NPC1: variants seen among roughly 807,000 people sequenced by gnomAD.
NPC1 encodes Niemann-Pick C1 protein.
In NPC1, 85 loss-of-function variants were observed where a neutral mutation model predicts 140.4. The observed-to-expected ratio is 0.61, with a 90% CI of 0.51 to 0.72. The LOEUF (loss-of-function observed/expected upper bound fraction) is 0.72. Ranked by LOEUF, NPC1 falls within the 30% of genes least tolerant of loss-of-function variation. The pLI is 0.00. For missense variants in NPC1, 1,504 were observed against 1,623.8 expected (o/e 0.93, Z 1.27); for synonymous variants, 656 against 624.8 (o/e 1.05, Z -0.74).
chr18:23,532,391 G>T, intron 24 of NPC1, 107 bp from the exon 25 acceptor site: 1 of 1,235,410 alleles, frequency 8.1e-7, no homozygotes, highest in Non-Finnish European at 1.2e-6. Flanking sequence ...TGAGGCAGGA[G>T]AATTGCTTGA....
chr18:23,562,860 G>C (rs1360506064), intron 4 of NPC1, among the ~76,000 whole-genome samples: 1 of 152,020 alleles, frequency 6.6e-6, no homozygotes, highest in African/African-American at 2.4e-5. Context: ...AGCCAGGTGT[G>C]GTGGCGCTAT....
At chr18:23,509,139 G>A in intron 3 of NPC1, 1 of 612,658 alleles carries the variant, frequency 1.6e-6, no homozygotes, top group South Asian at 5.0e-5. Flanking sequence ...TTTGAAGAGA[G>A]TTATATGTGT....
chr18:23,529,388 A>G, downstream of NPC1: 1 of 1,501,132 alleles, frequency 6.7e-7, no homozygotes, highest in Non-Finnish European at 8.8e-7. Flanking sequence ...GATTAGAGTC[A>G]CTTGAAGTGA....
At chr18:23,520,716 A>G (rs1464210036), downstream of NPC1, among the ~76,000 whole-genome samples, 1 of 151,608 alleles carries the variant, frequency 6.6e-6, no homozygotes, top group Admixed American at 6.6e-5. Flanking sequence ...GCTCACTGCA[A>G]CCTCCACCTG....
chr18:23,546,429 C>T (rs1005004355), intron 11 of NPC1, among the ~76,000 whole-genome samples: 1 of 152,068 alleles, frequency 6.6e-6, no homozygotes, highest in Non-Finnish European at 1.5e-5. Context: ...TGACGTAAAG[C>T]GCTATAGCCA....
chr18:23,532,318 A>G, intron 24 of NPC1, 34 bp from the exon 25 acceptor site: 1 of 1,613,274 alleles, frequency 6.2e-7, no homozygotes, highest in Non-Finnish European at 8.5e-7. Context: ...TTATTTCTGC[A>G]GGAGAAAGGG....
At chr18:23,566,423 G>A (rs77601994) in intron 4 of NPC1, among the ~76,000 whole-genome samples, 2,201 of 152,014 alleles carry the variant, frequency 0.014, 42 homozygotes, top group African/African-American at 0.051. Context: ...ACTGGCTATG[G>A]CATAATTTAA....
Position 23,556,584 on chromosome 18 carries a change from C to T in NPC1, c.985G>A (p.Ala329Thr), listed in dbSNP as rs572337787. 5.3e-5 allele frequency: 85 copies of T among 1,614,058 alleles called. No individual in the cohort carries two copies. Among genetic ancestry groups the T allele is most frequent in the African/African-American group, 4.1e-4 (31 of 75,036 alleles). ...GEASCCDPVSAAFEGCLRRLF... is the reference protein window; with the variant it reads ...GEASCCDPVSTAFEGCLRRLF... Reference sequence around the variant, plus strand: ...CGCCTCAAGCAGCCCTCAAATGCTGCGCTGACAGGGTCACAGCAGGACGCC... The same window carrying T: ...CGCCTCAAGCAGCCCTCAAATGCTGTGCTGACAGGGTCACAGCAGGACGCC... The change falls in exon 8 of 25, where the codon GCA becomes ACA. Residue 329 changes from alanine to threonine, a missense_variant. By Grantham distance (58) the Ala-to-Thr change is moderately conservative. Coordinates refer to ENST00000269228, the MANE Select transcript of NPC1 (RefSeq NM_000271.5).
intron 11 of NPC1, among the ~76,000 whole-genome samples, chr18:23,546,914 CTG>C (rs1243866524): frequency 2.0e-5 from 3 of 152,218 alleles, no homozygotes; most frequent in Non-Finnish European, 4.4e-5. Context: ...CTAAAATTGA[CTG>C]TGGTGATGGC....
chr18:23,529,849 T>C, downstream of NPC1: 2 of 1,062,684 alleles, frequency 1.9e-6, no homozygotes, highest in Non-Finnish European at 2.8e-6. Flanking sequence ...CTCCTGACAT[T>C]ATTAGTTGGA....
rs1478525243 is a variant in NPC1 at position 23,556,380 on chromosome 18, G to T, written c.1189C>A (p.Gln397Lys). 5.6e-6 allele frequency: 9 copies of T among 1,614,012 alleles called. No individual in the cohort carries two copies. Among genetic ancestry groups the T allele is most frequent in the Non-Finnish European group, 7.6e-6 (9 of 1,180,032 alleles). The change falls in exon 8 of 25, where the codon CAG (glutamine) becomes AAG (lysine). Residue 397 changes from glutamine (Q) to lysine (K), a missense_variant. Physicochemically the swap from Gln to Lys is moderately conservative, Grantham distance 53 (BLOSUM62 1). Transcript: ENST00000269228. ...QARLEKEYFD[Q>K]HFGPFFRTEQ... is the part of the protein sequence containing the mutation. ...GTCCGGAAGAAAGGCCCAAAGTGCT[G>T]GTCAAAGTACTCTTTTTCCAGGCGA...
At chr18:23,563,959 G>A (rs2059081720) in intron 4 of NPC1, among the ~76,000 whole-genome samples, 2 of 135,490 alleles carry the variant, frequency 1.5e-5, no homozygotes, top group African/African-American at 5.6e-5. Flanking sequence ...TTTAAATTGG[G>A]TTATTTATTT....
intron 1 of NPC1, among the ~76,000 whole-genome samples, chr18:23,583,662 T>C (rs577343247): frequency 9.9e-5 from 15 of 150,862 alleles, no homozygotes; most frequent in Admixed American, 2.0e-4. Context: ...CTTTTAGGAG[T>C]GGAGGGTTAC....
intron 6 of NPC1, among the ~76,000 whole-genome samples, chr18:23,558,479 C>T (rs1274374159): frequency 6.6e-6 from 1 of 152,032 alleles, no homozygotes; most frequent in African/African-American, 2.4e-5. Context: ...AATGGAAGGA[C>T]ATGCTACAAA....
rs2059185195 is a variant in NPC1, at chr18:23,570,433, C to T, written c.288-1435G>A. ...TCCAATTTGGTTCCATCAATGTTCA[C>T]AAGCCTTTCATAGGATATGCTGGCC... On this transcript the variant is annotated intron_variant, in intron 3 of 24. Coordinates refer to ENST00000269228, the MANE Select transcript of NPC1 (RefSeq NM_000271.5). Among the ~76,000 whole-genome samples, 5 of 152,210 alleles carry T rather than the reference C, an allele frequency of 3.3e-5. No homozygotes were observed. In the South Asian group the frequency reaches 1.0e-3, roughly 31 times the overall value.
At chr18:23,579,452 TAGTTACACAGCTAAAG>T (rs1279861380) in intron 1 of NPC1, among the ~76,000 whole-genome samples, 1 of 152,328 alleles carries the variant, frequency 6.6e-6, no homozygotes, top group East Asian at 1.9e-4. Flanking sequence ...CAGAATTTAG[TAGTTACACAGCTAAAG>T]AGTTTCTATT....
At position 23,586,443 on chromosome 18, in the gene NPC1, G is replaced by C. The variant is rs553740667; in HGVS notation, c.-100C>G. 1.9e-3 allele frequency: 2,922 copies of C among 1,502,528 alleles called. 5 individuals are homozygous for C. Among genetic ancestry groups the C allele is most frequent in the Non-Finnish European group, 2.2e-3 (2,537 of 1,132,066 alleles). The allele number at this position is 1,502,528 out of a possible 1,614,324, so 93.1% of individuals were successfully genotyped here. ...CGGGCTGTTTCAGCACCCCGCGCAG[G>C]AGGAGCGGAGGAGCAGGAGCAGGCG... On this transcript the variant is annotated 5_prime_UTR_variant, in exon 1 of 25. Coordinates refer to ENST00000269228, the MANE Select transcript of NPC1 (RefSeq NM_000271.5).
intron 3 of NPC1, among the ~76,000 whole-genome samples, 197 bp from the exon 4 acceptor site, chr18:23,569,195 C>A (rs1437745225): frequency 6.6e-6 from 1 of 152,196 alleles, no homozygotes; most frequent in Non-Finnish European, 1.5e-5. Flanking sequence ...GCCCTAATTA[C>A]TTTCTGCATT....
intron 3 of NPC1, among the ~76,000 whole-genome samples, chr18:23,570,102 A>G (rs952248837): frequency 6.6e-6 from 1 of 152,256 alleles, no homozygotes; most frequent in Non-Finnish European, 1.5e-5. Context: ...CAGGAGCCCC[A>G]CTGCTTTACT....
Sources: gnomAD v4.1 joint callset for allele counts (sites outside exome capture counted in the v4.1 genomes callset) on GRCh38, gnomAD v4.1.1 for gene constraint, MANE v1.5 for transcripts, NCBI Gene and HGNC (gene_info 2026-07-23, HGNC 2026-07-21) for gene names.